BRINP1: variants seen among roughly 807,000 people sequenced by gnomAD.
BRINP1 encodes BMP/retinoic acid inducible neural specific 1.
Under a neutral mutation model 72.9 loss-of-function variants are expected in BRINP1, and 17 were observed. The ratio of observed to expected loss-of-function variants is 0.23; its 90% CI spans 0.16 to 0.35. BRINP1 has a LOEUF of 0.35. BRINP1 is among the 10% of genes least tolerant of loss of function. The pLI is 1.00. For missense variants in BRINP1, 850 were observed against 1,001.6 expected (o/e 0.85, Z 2.04); for synonymous variants, 418 against 378.5 (o/e 1.10, Z -1.21).
At chr9:119,177,299 ACAG>A (rs1397774550) in intron 7 of BRINP1, among the ~76,000 whole-genome samples, 1 of 152,176 alleles carries the variant, frequency 6.6e-6, no homozygotes, top group Non-Finnish European at 1.5e-5. Context: ...AGCCTGGAGA[ACAG>A]CAGCAGGCCC....
At chr9:119,365,380 C>T (rs1831681014) in intron 1 of BRINP1, among the ~76,000 whole-genome samples, 1 of 152,154 alleles carries the variant, frequency 6.6e-6, no homozygotes. Context: ...TTCACATGAC[C>T]TCCATCTTGT....
chr9:119,280,988 C>A (rs1458608947), intron 2 of BRINP1, among the ~76,000 whole-genome samples: 1 of 151,992 alleles, frequency 6.6e-6, no homozygotes, highest in Non-Finnish European at 1.5e-5. Context: ...GCCCAATGTG[C>A]CCAGGAAATG....
At chr9:119,225,374 C>A (rs1325665116) in intron 5 of BRINP1, among the ~76,000 whole-genome samples, 1 of 151,880 alleles carries the variant, frequency 6.6e-6, no homozygotes, top group African/African-American at 2.4e-5. Context: ...CCTCCCACCA[C>A]CCTCTGATAC....
intron 1 of BRINP1, among the ~76,000 whole-genome samples, chr9:119,342,322 C>A (rs1831413865): frequency 1.3e-5 from 2 of 152,092 alleles, no homozygotes; most frequent in South Asian, 4.1e-4. Context: ...TTAAGTAGTG[C>A]AGATGGATTG....
chr9:119,318,844 G>T (rs934233779), intron 1 of BRINP1, among the ~76,000 whole-genome samples: 2 of 142,236 alleles, frequency 1.4e-5, no homozygotes, highest in Admixed American at 6.9e-5. Flanking sequence ...AAATGTGTGG[G>T]GTGTGTGTGT....
Position 119,330,132 on chromosome 9 carries a change from C to T in BRINP1, c.-50-16727G>A, listed in dbSNP as rs1025543230. Among the ~76,000 whole-genome samples, 7 of 152,260 alleles carry T rather than the reference C, an allele frequency of 4.6e-5. 1 individual carries two copies. The highest frequency in any genetic ancestry group is 1.3e-4 in the Admixed American group (2 of 15,302). ...GGGTGCCAATTTTTTTTAACCTTTT[C>T]CACATGTCTCAGAATTCGAAAAGAC... On this transcript the variant is annotated intron_variant, in intron 1 of 7. Transcript: ENST00000265922.
chr9:119,233,658 G>T (rs1301287762), intron 5 of BRINP1, among the ~76,000 whole-genome samples: 1 of 152,136 alleles, frequency 6.6e-6, no homozygotes, highest in African/African-American at 2.4e-5. Flanking sequence ...TGTATACACA[G>T]AAATGCATAC....
chr9:119,293,326 T>C (rs977582490), intron 2 of BRINP1, among the ~76,000 whole-genome samples: 8 of 152,178 alleles, frequency 5.3e-5, no homozygotes, highest in Admixed American at 2.6e-4. Context: ...TCATTCTCTC[T>C]TCTTGTAAAT....
chr9:119,363,066 G>A (rs189807911), intron 1 of BRINP1, among the ~76,000 whole-genome samples: 2 of 152,224 alleles, frequency 1.3e-5, no homozygotes, highest in East Asian at 3.9e-4. Context: ...GACTTCCTAA[G>A]CTTGTCCCAG....
rs374854137 is a variant in BRINP1, at chr9:119,341,688, A to T, written c.-51+27368T>A. Among the ~76,000 whole-genome samples, 10 of 152,340 alleles carry T rather than the reference A, an allele frequency of 6.6e-5. No homozygotes were observed. In the East Asian group the frequency reaches 1.7e-3, roughly 26 times the overall value. On this transcript the variant is annotated intron_variant, in intron 1 of 7. Coordinates refer to ENST00000265922, the MANE Select transcript of BRINP1 (RefSeq NM_014618.3). ...GCTAAACTACGATGTTTGGTAGATT[A>T]GGTGTATTGAATGCATTTTTGGCTT...
At position 119,369,113 on chromosome 9, in the gene BRINP1, C is replaced by T. The variant is rs1175220154; in HGVS notation, c.-108G>A. ...GCGGGAGGACGCTTTTTATTCGGCT[C>T]GGTGGGAACTTGGGAGAGCCCTGCG... On this transcript the variant is annotated 5_prime_UTR_variant, in exon 1 of 8. Coordinates refer to ENST00000265922, the MANE Select transcript of BRINP1 (RefSeq NM_014618.3). The T allele has an allele frequency of 1.0e-5, 4 of 397,816 alleles. No individual in the cohort carries two copies. Among genetic ancestry groups the T allele is most frequent in the African/African-American group, 8.2e-5 (4 of 48,558 alleles). The allele number at this position is 397,816 out of a possible 1,614,324, so 24.6% of individuals were successfully genotyped here.
chr9:119,258,350 T>C (rs898542575), intron 2 of BRINP1, among the ~76,000 whole-genome samples: 6 of 152,178 alleles, frequency 3.9e-5, no homozygotes, highest in Non-Finnish European at 7.4e-5. Context: ...AAATGGGCCA[T>C]TTCCAGAAAA....
chr9:119,167,720 C>G lies in BRINP1; in HGVS notation c.1650G>C (p.Gln550His), dbSNP rs750896528. The change falls in exon 8 of 8, where the codon CAG becomes CAC. Residue 550 changes from glutamine to histidine, a missense_variant. Gln to His is a conservative substitution (Grantham distance 24). Transcript: ENST00000265922. The surrounding 1 kb of genome is among the most constrained non-coding windows in gnomAD (Gnocchi z 4.3). ...TGGGGTCCAGGCTGCTGTTGCGCAT[C>G]TGGCAGATGCGCATGGACATGCCGA... ...MVIGMSMRIC[Q>H]MRNSSLDPMF... 23 of 1,613,992 alleles carry G rather than the reference C, an allele frequency of 1.4e-5. No homozygotes were observed. The highest frequency in any genetic ancestry group is 1.9e-5 in the Non-Finnish European group (23 of 1,180,014).
intron 1 of BRINP1, among the ~76,000 whole-genome samples, chr9:119,319,235 C>T (rs1168625046): frequency 2.6e-5 from 4 of 152,196 alleles, no homozygotes; most frequent in Non-Finnish European, 5.9e-5. Flanking sequence ...CATTCTGCCA[C>T]ATTGTCTTGG....
intron 1 of BRINP1, among the ~76,000 whole-genome samples, chr9:119,329,450 C>T (rs1831277287): frequency 6.6e-6 from 1 of 152,128 alleles, no homozygotes; most frequent in Non-Finnish European, 1.5e-5. Flanking sequence ...TCATAGAATC[C>T]AAGAAAGAAG....
chr9:119,167,461 G>A lies in BRINP1; in HGVS notation c.1909C>T (p.Pro637Ser). ...TTGGAGGGATCCGACAGGTCCACGG[G>A]GCCCTGGCCAGTCTCATTTCGCAGT... ...TLLRNETGQG[P>S]VDLSDPSKRQ... Residue 637 changes from proline (P) to serine (S), a missense_variant, in exon 8 of 8, where the codon CCC (proline) becomes TCC (serine). Pro to Ser is a moderately conservative substitution (Grantham distance 74). Coordinates refer to ENST00000265922, the MANE Select transcript of BRINP1 (RefSeq NM_014618.3). The surrounding 1 kb of genome is among the most constrained non-coding windows in gnomAD (Gnocchi z 4.3). 2 of 1,614,118 alleles carry A rather than the reference G, an allele frequency of 1.2e-6. No individual in the cohort carries two copies. The highest frequency in any genetic ancestry group is 4.5e-5 in the East Asian group (2 of 44,858).
At chr9:119,308,334 G>T (rs746321675) in intron 2 of BRINP1, among the ~76,000 whole-genome samples, 1 of 152,146 alleles carries the variant, frequency 6.6e-6, no homozygotes, top group East Asian at 1.9e-4. Flanking sequence ...AAAGCTGAAG[G>T]CTTCTTTCAA....
chr9:119,253,016 G>A (rs1393637106), intron 2 of BRINP1, among the ~76,000 whole-genome samples: 5 of 152,158 alleles, frequency 3.3e-5, no homozygotes, highest in Non-Finnish European at 7.3e-5. Flanking sequence ...GTGAGGAAAT[G>A]TATGCGACCT....
At chr9:119,274,125 T>A (rs1205817632) in intron 2 of BRINP1, among the ~76,000 whole-genome samples, 2 of 152,250 alleles carry the variant, frequency 1.3e-5, no homozygotes, top group Non-Finnish European at 2.9e-5. Context: ...GATCCTATTT[T>A]GTTTATTCTG....
Sources: allele counts gnomAD v4.1 joint callset (sites outside exome capture counted in the v4.1 genomes callset), GRCh38; gene constraint gnomAD v4.1.1; non-coding constraint Gnocchi (gnomAD v3.1); transcripts MANE v1.5; gene names NCBI Gene and HGNC (gene_info 2026-07-23, HGNC 2026-07-21).